MYRF: variants seen among roughly 807,000 people sequenced by gnomAD.
MYRF encodes myelin gene regulatory factor.
A neutral mutation model predicts 126.3 loss-of-function variants in MYRF; 16 were observed. The ratio of observed to expected loss-of-function variants is 0.13; its 90% CI spans 0.09 to 0.19. The LOEUF is 0.19. MYRF is among the 10% of genes least tolerant of loss of function. The pLI is 1.00. For missense variants in MYRF, 1,104 were observed against 1,547.0 expected (o/e 0.71, Z 4.80); for synonymous variants, 608 against 635.3 (o/e 0.96, Z 0.65).
chr11:61,778,540 C>A lies in MYRF; in HGVS notation c.2013+51C>A. The A allele has an allele frequency of 7.8e-7, 1 of 1,283,902 alleles. No individual in the cohort carries two copies. Among genetic ancestry groups the A allele is most frequent in the Non-Finnish European group, 1.1e-6 (1 of 879,854 alleles). The allele number at this position is 1,283,902 out of a possible 1,614,324, so 79.5% of individuals were successfully genotyped here. A position where few individuals can be genotyped will look rare whatever the true frequency, so the allele number is the denominator to read the frequency against. On this transcript the variant is annotated intron_variant, in intron 14 of 26. Transcript: ENST00000278836. This position sits in a 1 kb window ranked among gnomAD's most constrained non-coding sequence, Gnocchi z 4.6. ...AGCCCAGAGGCAAGTGGGGAGCCAG[C>A]TGGGGAACACTCATCACCTCCATAG... is the stretch of plus-strand genomic sequence containing the variant.
chr11:61,780,492 G>C (rs2066513065), intron 18 of MYRF, among the ~76,000 whole-genome samples: 1 of 152,162 alleles, frequency 6.6e-6, no homozygotes, highest in Non-Finnish European at 1.5e-5. Flanking sequence ...TGATGTTTCT[G>C]TCTGGCCTGT....
intron 1 of MYRF, among the ~76,000 whole-genome samples, chr11:61,756,374 A>T (rs1015143176): frequency 6.6e-6 from 1 of 152,016 alleles, no homozygotes; most frequent in Non-Finnish European, 1.5e-5. Flanking sequence ...CCAGGTAGAG[A>T]CTACCTGATG....
intron 1 of MYRF, among the ~76,000 whole-genome samples, chr11:61,760,528 A>AGGAGAGGT (rs1447540693): frequency 6.6e-6 from 1 of 152,240 alleles, no homozygotes; most frequent in Non-Finnish European, 1.5e-5. Context: ...ACCATGCCTC[A>AGGAGAGGT]GAGGGACTTA....
chr11:61,782,560 CCT>C (rs1234867068), intron 22 of MYRF: 4 of 152,238 alleles, frequency 2.6e-5, no homozygotes, highest in Non-Finnish European at 5.9e-5. Context: ...TGGACACGCC[CCT>C]GTCCCCAAAG....
chr11:61,778,497 G>A lies in MYRF; in HGVS notation c.2013+8G>A. The A allele has an allele frequency of 6.2e-7, 1 of 1,605,468 alleles. No individual in the cohort carries two copies. The highest frequency in any genetic ancestry group is 8.5e-7 in the Non-Finnish European group (1 of 1,172,246). On this transcript the variant is annotated splice_region_variant and intron_variant, in intron 14 of 26. Coordinates refer to ENST00000278836, the MANE Select transcript of MYRF (RefSeq NM_001127392.3). This position sits in a 1 kb window ranked among gnomAD's most constrained non-coding sequence, Gnocchi z 4.6. ...TTCCTGGTGGTGAACAAGGTCTGTG[G>A]GTGGGGGAATGGGAGGGAGCCCAGA...
Position 61,765,953 on chromosome 11 carries a change from C to T in MYRF, c.135-5C>T, listed in dbSNP as rs778339679. ...CTGGAGCTGAGCCGCCCCCCTTCCCCGCAGCTGCTTCCCTGACATCTCTGC... is the reference window on the plus strand; with the variant it reads ...CTGGAGCTGAGCCGCCCCCCTTCCCTGCAGCTGCTTCCCTGACATCTCTGC... On this transcript the variant is annotated splice_region_variant and splice_polypyrimidine_tract_variant and intron_variant, in intron 2 of 26. Transcript: ENST00000278836. The T allele has an allele frequency of 6.0e-6, 9 of 1,497,470 alleles. No individual in the cohort carries two copies. The highest frequency in any genetic ancestry group is 1.9e-4 in the Middle Eastern group (1 of 5,368). The allele number at this position is 1,497,470 out of a possible 1,614,324, so 92.8% of individuals were successfully genotyped here.
chr11:61,770,779 ATGGGGGAAATG>A (rs1356766874), intron 5 of MYRF, among the ~76,000 whole-genome samples: 2 of 152,082 alleles, frequency 1.3e-5, no homozygotes, highest in East Asian at 3.9e-4. Flanking sequence ...TGAGGCTCTG[ATGGGGGAAATG>A]TCCCGTCCAG....
At position 61,756,158 on chromosome 11, in the gene MYRF, T is replaced by G. The variant is rs914910526; in HGVS notation, c.46+3368T>G. On this transcript the variant is annotated intron_variant, in intron 1 of 26. Coordinates refer to ENST00000278836, the MANE Select transcript of MYRF (RefSeq NM_001127392.3). Reference sequence around the variant, plus strand: ...CACAGCCCCTGAAGCACCAGGATACTGGTTTGAAAGCCACCCTTCCCGGCT... The same window carrying G: ...CACAGCCCCTGAAGCACCAGGATACGGGTTTGAAAGCCACCCTTCCCGGCT... Among the ~76,000 whole-genome samples the G allele has an allele frequency of 2.6e-5, 4 of 152,132 alleles. No homozygotes were observed. In the East Asian group the frequency reaches 7.7e-4, roughly 29 times the overall value.
chr11:61,779,138 G>A (rs772453576), intron 14 of MYRF, 125 bp from the exon 15 acceptor site: 2 of 1,050,254 alleles, frequency 1.9e-6, no homozygotes, highest in Non-Finnish European at 2.7e-6. Flanking sequence ...AGACTTTGAG[G>A]GCCTCCCAGT....
chr11:61,771,722 T>C lies in MYRF; in HGVS notation c.963T>C (p.Pro321=). The change falls in exon 6 of 27, where the codon CCT becomes CCC. Residue 321 remains proline (P), a synonymous_variant. Transcript: ENST00000278836. ...PLSIARVQTP[P]WHPPGAPSPG... is the part of the protein sequence containing the mutation. ...GCATTGCCCGTGTCCAGACACCGCC[T>C]TGGCACCCGCCAGGTGCCCCCTCCC... 2 of 1,612,610 alleles carry C rather than the reference T, an allele frequency of 1.2e-6. No homozygotes were observed. The highest frequency in any genetic ancestry group is 1.7e-6 in the Non-Finnish European group (2 of 1,179,164).
intron 1 of MYRF, 51 bp from the exon 2 acceptor site, chr11:61,765,574 G>C (rs2135744094): frequency 6.7e-7 from 1 of 1,484,760 alleles, no homozygotes; most frequent in East Asian, 2.4e-5. Flanking sequence ...TGAAGCCCAG[G>C]GTCTGCAGGG....
At position 61,781,121 on chromosome 11, in the gene MYRF, G is replaced by A. The variant is rs1381654096; in HGVS notation, c.2573-17G>A. The A allele has an allele frequency of 5.6e-6, 9 of 1,612,608 alleles. No homozygotes were observed. Among genetic ancestry groups the A allele is most frequent in the Non-Finnish European group, 7.6e-6 (9 of 1,179,884 alleles). ...CTTTGGGGCTTCTCTGGCTCATACA[G>A]CCTCTGGCCTCCTCAGTGACCACCA... On this transcript the variant is annotated splice_polypyrimidine_tract_variant and intron_variant, in intron 20 of 26. Coordinates refer to ENST00000278836, the MANE Select transcript of MYRF (RefSeq NM_001127392.3).
In MYRF at chr11:61,778,837, G is replaced by A. The variant is rs540211518; in HGVS notation, c.2013+348G>A. Reference sequence around the variant, plus strand: ...GAAATACGTGGTTTATTGTGAGGACGACGTTTGTCACTTACCTGTCCTGAG... The same window carrying A: ...GAAATACGTGGTTTATTGTGAGGACAACGTTTGTCACTTACCTGTCCTGAG... On this transcript the variant is annotated intron_variant, in intron 14 of 26. Transcript: ENST00000278836. This position sits in a 1 kb window ranked among gnomAD's most constrained non-coding sequence, Gnocchi z 4.6. The A allele has an allele frequency of 1.8e-5, 10 of 548,750 alleles. No homozygotes were observed. The highest frequency in any genetic ancestry group is 3.1e-5 in the South Asian group (2 of 65,448). 34.0% of individuals were successfully genotyped at this position (548,750 alleles called of 1,614,324 possible).
chr11:61,762,807 T>C (rs1026315950), intron 1 of MYRF, among the ~76,000 whole-genome samples: 2 of 152,062 alleles, frequency 1.3e-5, no homozygotes, highest in African/African-American at 4.8e-5. Context: ...CTCAAACTTC[T>C]TCCCCACCCA....
At position 61,786,198 on chromosome 11, in the gene MYRF, C is replaced by A; in HGVS notation, c.*55C>A. 1 of 1,506,594 alleles carries A rather than the reference C, an allele frequency of 6.6e-7. No individual in the cohort carries two copies. Among genetic ancestry groups the A allele is most frequent in the Middle Eastern group, 1.7e-4 (1 of 5,860 alleles). The allele number at this position is 1,506,594 out of a possible 1,614,324, so 93.3% of individuals were successfully genotyped here. Reference sequence around the variant, plus strand: ...GGACCAGGGGTGCCCAGGCACCCCCCAACACTGGATGCAATGGTGTTACAC... The same window carrying A: ...GGACCAGGGGTGCCCAGGCACCCCCAAACACTGGATGCAATGGTGTTACAC... On this transcript the variant is annotated 3_prime_UTR_variant, in exon 27 of 27. Transcript: ENST00000278836. The surrounding 1 kb of genome is among the most constrained non-coding windows in gnomAD (Gnocchi z 4.5).
chr11:61,754,012 CACATCCT>C (rs2065677658), intron 1 of MYRF: 1 of 152,728 alleles, frequency 6.5e-6, no homozygotes, highest in East Asian at 1.9e-4. Context: ...TCCCTAAGGC[CACATCCT>C]GCTCCTTGGT....
At position 61,771,720 on chromosome 11, in the gene MYRF, C is replaced by T. The variant is rs753670199; in HGVS notation, c.961C>T (p.Pro321Ser). The T allele has an allele frequency of 6.2e-7, 1 of 1,612,712 alleles. No individual in the cohort carries two copies. Among genetic ancestry groups the T allele is most frequent in the Admixed American group, 1.7e-5 (1 of 59,980 alleles). Residue 321 changes from proline to serine, a missense_variant, in exon 6 of 27, where the codon CCT becomes TCT. Around this residue, in one of 10 missense-constraint regions of MYRF, gnomAD observed 87 missense variants for 129.2 expected, o/e 0.67. Transcript: ENST00000278836. ...PLSIARVQTP[P>S]WHPPGAPSPG... ...CAGCATTGCCCGTGTCCAGACACCG[C>T]CTTGGCACCCGCCAGGTGCCCCCTC...
At chr11:61,774,734 C>A (rs546895056) in intron 8 of MYRF, among the ~76,000 whole-genome samples, 2 of 150,500 alleles carry the variant, frequency 1.3e-5, no homozygotes, top group Admixed American at 6.6e-5. Context: ...TGTGCCTGCC[C>A]CTTAAACGTT....
intron 7 of MYRF, among the ~76,000 whole-genome samples, 162 bp from the exon 8 acceptor site, chr11:61,773,805 G>T (rs1458363364): frequency 6.6e-6 from 1 of 152,194 alleles, no homozygotes; most frequent in Non-Finnish European, 1.5e-5. Flanking sequence ...TCCTCTCCGG[G>T]ACTCAGTTTC....
Sources: allele counts gnomAD v4.1 joint callset (sites outside exome capture counted in the v4.1 genomes callset), GRCh38; gene constraint gnomAD v4.1.1; regional missense constraint gnomAD v4.1.1; non-coding constraint Gnocchi (gnomAD v3.1); transcripts MANE v1.5; gene names NCBI Gene and HGNC (gene_info 2026-07-23, HGNC 2026-07-21).